INPP5A: variants seen among roughly 807,000 people sequenced by gnomAD.
The protein encoded by INPP5A is 43 kDa inositol polyphosphate 5-phophatase.
In INPP5A, 14 loss-of-function variants were observed where a neutral mutation model predicts 65.2. The observed-to-expected ratio is 0.21, with a 90% CI of 0.14 to 0.34. The LOEUF is 0.34. INPP5A is among the 10% of genes least tolerant of loss of function. INPP5A has a pLI of 1.00. For synonymous variants in INPP5A, 207 were observed against 208.3 expected (o/e 0.99, Z 0.05); for missense variants, 431 against 545.6 (o/e 0.79, Z 2.09).
At chr10:132,585,934 C>T (rs372068325) in intron 1 of INPP5A, among the ~76,000 whole-genome samples, 1 of 152,230 alleles carries the variant, frequency 6.6e-6, no homozygotes, top group East Asian at 1.9e-4. Flanking sequence ...CCTGAGGGTG[C>T]TGTGTGTGTC....
chr10:132,708,213 TG>T, intron 6 of INPP5A, 99 bp from the exon 7 acceptor site: 2 of 1,040,530 alleles, frequency 1.9e-6, no homozygotes, highest in Non-Finnish European at 2.9e-6. Context: ...TGCTGTTTTT[TG>T]TTTGGAAAGC....
rs145826461 is a variant in INPP5A, at chr10:132,753,558, C to T, written c.903+3713C>T. Reference sequence around the variant, plus strand: ...AGCTTTGTTTAGTCGATATTCCCATCGAAATTGTATAATTAATTATAAGTG... The same window carrying T: ...AGCTTTGTTTAGTCGATATTCCCATTGAAATTGTATAATTAATTATAAGTG... On this transcript the variant is annotated intron_variant, in intron 11 of 15. Coordinates refer to ENST00000368594, the MANE Select transcript of INPP5A (RefSeq NM_005539.5). The surrounding 1 kb of genome is among the most constrained non-coding windows in gnomAD (Gnocchi z 5.3). 1.3e-5 allele frequency among the ~76,000 whole-genome samples: 2 copies of T among 152,144 alleles called. No individual in the cohort carries two copies. The highest frequency in any genetic ancestry group is 2.4e-5 in the African/African-American group (1 of 41,418).
chr10:132,776,425 G>A (rs757315886), intron 12 of INPP5A, among the ~76,000 whole-genome samples: 6 of 152,220 alleles, frequency 3.9e-5, no homozygotes, highest in Non-Finnish European at 7.4e-5. Flanking sequence ...GGTCCGGGGG[G>A]CATGGGAGGG....
intron 8 of INPP5A, among the ~76,000 whole-genome samples, chr10:132,714,205 T>C (rs1828859810): frequency 6.6e-6 from 1 of 152,182 alleles, no homozygotes; most frequent in South Asian, 2.1e-4. Context: ...TGGGCCACTT[T>C]TCTGCGTCTC....
At chr10:132,754,627 TG>T (rs1351731220) in intron 11 of INPP5A, among the ~76,000 whole-genome samples, 2 of 152,334 alleles carry the variant, frequency 1.3e-5, no homozygotes, top group East Asian at 3.9e-4. Context: ...CTGCCAAAAC[TG>T]GGGGCCTTCT....
intron 7 of INPP5A, among the ~76,000 whole-genome samples, chr10:132,709,078 C>T (rs891411232): frequency 1.3e-5 from 2 of 151,608 alleles, no homozygotes; most frequent in Admixed American, 1.3e-4. Context: ...GTGAGTGTCT[C>T]AGGACCCAGG....
intron 8 of INPP5A, among the ~76,000 whole-genome samples, chr10:132,719,154 G>A (rs972522566): frequency 6.9e-5 from 10 of 145,842 alleles, no homozygotes; most frequent in African/African-American, 2.5e-4. Flanking sequence ...TTCTGTCTGG[G>A]TGCCTTAGAC....
At chr10:132,558,554 C>G (rs1396784312) in intron 1 of INPP5A, among the ~76,000 whole-genome samples, 1 of 152,218 alleles carries the variant, frequency 6.6e-6, no homozygotes, top group Non-Finnish European at 1.5e-5. Context: ...CATGTCCAGT[C>G]TCCTGTGGCT....
chr10:132,556,526 G>A lies in INPP5A; in HGVS notation c.75+18355G>A, dbSNP rs557989688. 1.2e-3 allele frequency among the ~76,000 whole-genome samples: 189 copies of A among 152,266 alleles called. 1 individual carries two copies. The highest frequency in any genetic ancestry group is 2.7e-3 in the Admixed American group (41 of 15,286). On this transcript the variant is annotated intron_variant, in intron 1 of 15. Transcript: ENST00000368594. ...ATGTACAAGCATGCACTACACAGGT[G>A]CATATGTACACACCATACACATGCA...
chr10:132,646,337 G>A (rs1406168364), intron 3 of INPP5A, among the ~76,000 whole-genome samples: 3 of 152,314 alleles, frequency 2.0e-5, no homozygotes, highest in Non-Finnish European at 2.9e-5. Flanking sequence ...CAAGGAGGTC[G>A]GCAGGGAGCG....
chr10:132,573,592 CGTGTG>C (rs2071378188), intron 1 of INPP5A, among the ~76,000 whole-genome samples: 1 of 88,158 alleles, frequency 1.1e-5, no homozygotes, highest in Non-Finnish European at 2.2e-5. Context: ...GTGTGTGTGC[CGTGTG>C]AGGTTTTGTT....
At chr10:132,731,293 C>T (rs1341830442) in intron 9 of INPP5A, among the ~76,000 whole-genome samples, 2 of 151,996 alleles carry the variant, frequency 1.3e-5, no homozygotes, top group Non-Finnish European at 2.9e-5. Flanking sequence ...GCGCATCAGG[C>T]GCCCCCTCCC....
chr10:132,570,882 C>T (rs566138655), intron 1 of INPP5A, among the ~76,000 whole-genome samples: 3 of 152,358 alleles, frequency 2.0e-5, no homozygotes, highest in East Asian at 1.9e-4. Context: ...GCCGTCCTTC[C>T]GGCCGCTGCT....
chr10:132,740,138 C>A (rs1564993216), intron 9 of INPP5A, among the ~76,000 whole-genome samples: 1 of 152,198 alleles, frequency 6.6e-6, no homozygotes, highest in Non-Finnish European at 1.5e-5. Context: ...AATGGCTAAC[C>A]CCACGGGACC....
intron 2 of INPP5A, among the ~76,000 whole-genome samples, chr10:132,632,410 A>G (rs1227730022): frequency 1.3e-5 from 2 of 152,068 alleles, no homozygotes; most frequent in Non-Finnish European, 2.9e-5. Context: ...GGCTGGTGTC[A>G]CCTCACTCTG....
intron 11 of INPP5A, among the ~76,000 whole-genome samples, chr10:132,759,497 C>T (rs183966107): frequency 4.3e-4 from 66 of 152,314 alleles, no homozygotes; most frequent in African/African-American, 1.5e-3. Context: ...CACCAACAGG[C>T]GTTAGGGGCT....
intron 12 of INPP5A, among the ~76,000 whole-genome samples, chr10:132,775,127 G>GA (rs373401008): frequency 2.1e-5 from 1 of 48,008 alleles, no homozygotes; most frequent in Non-Finnish European, 4.7e-5. Flanking sequence ...GCAGGGAGGA[G>GA]GGGCAGGGAG....
At chr10:132,772,344 A>G (rs369188769) in intron 12 of INPP5A, among the ~76,000 whole-genome samples, 129 of 38,878 alleles carry the variant, frequency 3.3e-3, no homozygotes, top group East Asian at 3.8e-3. Context: ...CAGAGGCCAC[A>G]GCAGCCACCC....
At chr10:132,716,745 C>T (rs890832787) in intron 8 of INPP5A, among the ~76,000 whole-genome samples, 4 of 152,134 alleles carry the variant, frequency 2.6e-5, no homozygotes, top group South Asian at 4.1e-4. Flanking sequence ...TGGTTTATGG[C>T]GGTGTCCAAG....
Sources: gnomAD v4.1 joint callset for allele counts (sites outside exome capture counted in the v4.1 genomes callset) on GRCh38, gnomAD v4.1.1 for gene constraint, Gnocchi (gnomAD v3.1) non-coding constraint, MANE v1.5 for transcripts, NCBI Gene and HGNC (gene_info 2026-07-23, HGNC 2026-07-21) for gene names.